ZNF462: variants seen among roughly 807,000 people sequenced by gnomAD.
ZNF462 encodes zinc finger PBX1-interacting protein.
A neutral mutation model predicts 201.9 loss-of-function variants in ZNF462; 10 were observed. The observed-to-expected ratio is 0.05, with a 90% CI of 0.03 to 0.08. ZNF462 has a LOEUF of 0.08. ZNF462 is among the 10% of genes least tolerant of loss of function. The pLI is 1.00. For missense variants in ZNF462, 2,523 were observed against 3,168.3 expected (o/e 0.80, Z 4.89); for synonymous variants, 1,227 against 1,193.3 (o/e 1.03, Z -0.58).
At chr9:106,922,844 C>G (rs1173088956) in intron 1 of ZNF462, among the ~76,000 whole-genome samples, 2 of 152,160 alleles carry the variant, frequency 1.3e-5, no homozygotes, top group Non-Finnish European at 1.5e-5. Context: ...TACCTCCACC[C>G]CCAAGATTTA....
At chr9:106,994,430 C>T (rs570260100) in intron 10 of ZNF462, among the ~76,000 whole-genome samples, 30 of 152,186 alleles carry the variant, frequency 2.0e-4, no homozygotes, top group African/African-American at 7.0e-4. Flanking sequence ...GAATCTTTCT[C>T]CAAAGATTCT....
intron 7 of ZNF462, among the ~76,000 whole-genome samples, chr9:106,957,493 A>G (rs902652175): frequency 1.1e-4 from 17 of 152,188 alleles, no homozygotes; most frequent in African/African-American, 3.6e-4. Context: ...TGTTGCTGGA[A>G]AAATGGTGTC....
intron 1 of ZNF462, among the ~76,000 whole-genome samples, chr9:106,906,872 AGTT>A (rs1344503329): frequency 6.6e-6 from 1 of 152,150 alleles, no homozygotes; most frequent in Non-Finnish European, 1.5e-5. Context: ...CTTTTCTAGT[AGTT>A]GTTTCTCTTA....
intron 1 of ZNF462, among the ~76,000 whole-genome samples, chr9:106,867,523 G>A (rs1284802178): frequency 6.6e-6 from 1 of 151,418 alleles, no homozygotes; most frequent in Non-Finnish European, 1.5e-5. Flanking sequence ...CATATTCCCC[G>A]AGGAATTGTT....
At chr9:106,940,562 G>A (rs1830823432) in intron 7 of ZNF462, among the ~76,000 whole-genome samples, 1 of 152,142 alleles carries the variant, frequency 6.6e-6, no homozygotes, top group Non-Finnish European at 1.5e-5. Flanking sequence ...AATTTTTGAA[G>A]CTTGGTGGTC....
In ZNF462 at chr9:107,010,364, C is replaced by T. The variant is rs145238877; in HGVS notation, c.7314-459C>T. 7.4e-4 allele frequency among the ~76,000 whole-genome samples: 112 copies of T among 152,142 alleles called. 1 individual carries two copies. Among genetic ancestry groups the T allele is most frequent in the Admixed American group, 5.4e-3 (83 of 15,268 alleles). ...CAGGTTTTTGTTTTTAGTTTGTTTT[C>T]GTGATTTGTTTCGGGACCTGACAAA... On this transcript the variant is annotated intron_variant, in intron 12 of 12. Coordinates refer to ENST00000277225, the MANE Select transcript of ZNF462 (RefSeq NM_021224.6). The surrounding 1 kb of genome is among the most constrained non-coding windows in gnomAD (Gnocchi z 4.6).
chr9:106,980,771 A>G (rs976368269), intron 9 of ZNF462, among the ~76,000 whole-genome samples: 2 of 152,198 alleles, frequency 1.3e-5, no homozygotes, highest in Non-Finnish European at 2.9e-5. Flanking sequence ...TTTTGCAGCC[A>G]GTGCTAGAAG....
rs1328752696 is a variant in ZNF462 at position 106,927,432 on chromosome 9, C to A, written c.3520C>A (p.Gln1174Lys). The stretch of plus-strand genomic sequence containing the variant: ...CTCCCCCCGGCCACCCGCCCCCATA[C>A]AACAGCTGAACCGAAGCAGCTCTGA... ...QGSPRPPAPI[Q>K]QLNRSSSERD... Residue 1174 changes from glutamine (Q) to lysine (K), a missense_variant, in exon 3 of 13, where the codon CAA becomes AAA. Transcript: ENST00000277225. 2 of 1,612,980 alleles carry A rather than the reference C, an allele frequency of 1.2e-6. No individual in the cohort carries two copies. Among genetic ancestry groups the A allele is most frequent in the Admixed American group, 3.3e-5 (2 of 60,010 alleles).
chr9:106,932,561 TG>T lies in ZNF462; in HGVS notation c.6116+18del. On this transcript the variant is annotated intron_variant, in intron 5 of 12. Transcript: ENST00000277225. The surrounding 1 kb of genome is among the most constrained non-coding windows in gnomAD (Gnocchi z 6.8). ...GCTTTCAGGCACAAGTAAGTGCTAT[TG>T]GGGGGTCACTAGTGGTTACTGGGAG... 6.2e-7 allele frequency: 1 copy of T among 1,614,182 alleles called. No individual in the cohort carries two copies. Among genetic ancestry groups the T allele is most frequent in the Non-Finnish European group, 8.5e-7 (1 of 1,180,026 alleles).
At position 106,970,458 on chromosome 9, in the gene ZNF462, T is replaced by C. The variant is rs1826538488; in HGVS notation, c.6428-1547T>C. 6.6e-6 allele frequency among the ~76,000 whole-genome samples: 1 copy of C among 152,180 alleles called. No homozygotes were observed. The highest frequency in any genetic ancestry group is 1.5e-5 in the Non-Finnish European group (1 of 68,024). ...TGTTCGAAGAGGCTGACGGGATGGA[T>C]GGTGCTGGTTTCATCAAATATGGGT... On this transcript the variant is annotated intron_variant, in intron 7 of 12. Transcript: ENST00000277225. The surrounding 1 kb of genome is among the most constrained non-coding windows in gnomAD (Gnocchi z 4.2).
rs995662866 is a variant in ZNF462 at position 106,873,437 on chromosome 9, G to A, written c.-31+10082G>A. Among the ~76,000 whole-genome samples the A allele has an allele frequency of 2.6e-5, 4 of 151,986 alleles. No individual in the cohort carries two copies. The East Asian group carries it at 7.7e-4, about 29-fold the overall frequency. ...GTGACTTTTTTTTTTTGTAGAAAAG[G>A]TGTTGTACTTTTTTTCTTCATAGGG... On this transcript the variant is annotated intron_variant, in intron 1 of 12. Coordinates refer to ENST00000277225, the MANE Select transcript of ZNF462 (RefSeq NM_021224.6).
rs1307430924 is a variant in ZNF462, at chr9:106,972,732, T to G, written c.6695+460T>G. 1.3e-5 allele frequency among the ~76,000 whole-genome samples: 2 copies of G among 152,140 alleles called. No homozygotes were observed. Among genetic ancestry groups the G allele is most frequent in the African/African-American group, 4.8e-5 (2 of 41,434 alleles). The stretch of plus-strand genomic sequence containing the variant: ...TAAGATCGTAGTATTGAAAGACACA[T>G]AGAGAATCAAGACCCTGGCACTTCC... On this transcript the variant is annotated intron_variant, in intron 8 of 12. Coordinates refer to ENST00000277225, the MANE Select transcript of ZNF462 (RefSeq NM_021224.6). The surrounding 1 kb of genome is among the most constrained non-coding windows in gnomAD (Gnocchi z 4.8).
At chr9:106,875,387 CCT>C (rs1325721393) in intron 1 of ZNF462, among the ~76,000 whole-genome samples, 1 of 152,110 alleles carries the variant, frequency 6.6e-6, no homozygotes, top group Non-Finnish European at 1.5e-5. Context: ...TTGTTATTTA[CCT>C]CAGCACATGA....
chr9:106,880,512 CCACAT>C lies in ZNF462; in HGVS notation c.-31+17159_-31+17163del, dbSNP rs1399162675. ...GTGTAAAACACTCATCTAAAATTAG[CCACAT>C]CTCCTAACCCAAGTGTGGACTTTGT... is the stretch of plus-strand genomic sequence containing the variant. On this transcript the variant is annotated intron_variant, in intron 1 of 12. Coordinates refer to ENST00000277225, the MANE Select transcript of ZNF462 (RefSeq NM_021224.6). The surrounding 1 kb of genome is among the most constrained non-coding windows in gnomAD (Gnocchi z 4.1). 6.6e-6 allele frequency among the ~76,000 whole-genome samples: 1 copy of C among 152,234 alleles called. No individual in the cohort carries two copies. The highest frequency in any genetic ancestry group is 1.5e-5 in the Non-Finnish European group (1 of 68,040).
chr9:106,979,764 A>G (rs930842797), intron 9 of ZNF462, among the ~76,000 whole-genome samples: 5 of 152,192 alleles, frequency 3.3e-5, no homozygotes, highest in Admixed American at 1.3e-4. Context: ...TTGCCCATGT[A>G]TATGTATCTT....
At position 106,929,120 on chromosome 9, in the gene ZNF462, C is replaced by T; in HGVS notation, c.5208C>T (p.Ile1736=). ...ACTGCTTGGCAGCCTCCAGGACCAT[C>T]AGCGACAAGCCCAACAAAGTGATCA... The part of the protein sequence containing the change: ...YTHCLAASRT[I]SDKPNKVIIP... The change falls in exon 3 of 13, where the codon ATC becomes ATT. Residue 1736 remains isoleucine (I), a synonymous_variant. Transcript: ENST00000277225. The surrounding 1 kb of genome is among the most constrained non-coding windows in gnomAD (Gnocchi z 8.7). 6.2e-7 allele frequency: 1 copy of T among 1,614,162 alleles called. No individual in the cohort carries two copies. The highest frequency in any genetic ancestry group is 8.5e-7 in the Non-Finnish European group (1 of 1,180,034).
intron 10 of ZNF462, among the ~76,000 whole-genome samples, chr9:106,985,343 A>T (rs1452525678): frequency 6.6e-6 from 1 of 152,138 alleles, no homozygotes; most frequent in African/African-American, 2.4e-5. Flanking sequence ...ATGTTTTGGG[A>T]GGAAGGAGAC....
chr9:107,004,648 A>T (rs1332490851), intron 11 of ZNF462, among the ~76,000 whole-genome samples: 2 of 152,172 alleles, frequency 1.3e-5, no homozygotes, highest in East Asian at 3.8e-4. Flanking sequence ...ATGTTTCAAA[A>T]TACATATACA....
chr9:106,869,944 G>T (rs1016876243), intron 1 of ZNF462, among the ~76,000 whole-genome samples: 1 of 151,992 alleles, frequency 6.6e-6, no homozygotes, highest in African/African-American at 2.4e-5. Flanking sequence ...CTTTGCATTT[G>T]GAGAACTGCA....
Sources: gnomAD v4.1 joint callset for allele counts (sites outside exome capture counted in the v4.1 genomes callset) on GRCh38, gnomAD v4.1.1 for gene constraint, Gnocchi (gnomAD v3.1) non-coding constraint, MANE v1.5 for transcripts, NCBI Gene and HGNC (gene_info 2026-07-23, HGNC 2026-07-21) for gene names.